Variants in AGT observed in about 807,000 individuals in gnomAD.
AGT encodes angiotensinogen, also known as alpha-1 antiproteinase, antitrypsin.
Under a neutral mutation model 28.1 loss-of-function variants are expected in AGT, and 26 were observed. The ratio of observed to expected loss-of-function variants is 0.92; its 90% confidence interval spans 0.68 to 1.28. AGT has a LOEUF of 1.28. Among genes scored for constraint, AGT ranks in the 50% most tolerant of loss-of-function variants. The pLI, the probability that AGT is intolerant of heterozygous loss-of-function variation, is 0.00. For synonymous variants in AGT, 259 were observed against 259.6 expected (o/e 1.00, Z 0.02); for missense variants, 596 against 592.3 (o/e 1.01, Z -0.06).
intron 2 of AGT, among the ~76,000 whole-genome samples, chr1:230,708,711 C>T (rs1375243257): frequency 2.0e-5 from 3 of 152,174 alleles, no homozygotes; most frequent in Admixed American, 6.5e-5. Context: ...AGCCCCACCC[C>T]ACCCATGGAT....
At chr1:230,735,053 T>G (rs566086145) in intron 1 of AGT, among the ~76,000 whole-genome samples, 130 of 152,194 alleles carry the variant, frequency 8.5e-4, no homozygotes, top group Non-Finnish European at 1.7e-3. Flanking sequence ...AGGGTCTGTG[T>G]CTATCCCTGG....
intron 1 of AGT, among the ~76,000 whole-genome samples, chr1:230,711,253 C>T (rs939132957): frequency 1.3e-5 from 2 of 151,928 alleles, no homozygotes; most frequent in Non-Finnish European, 2.9e-5. Context: ...GACATGGACA[C>T]ACACAGAGGG....
intron 1 of AGT, among the ~76,000 whole-genome samples, chr1:230,722,829 A>T (rs996797894): frequency 8.5e-5 from 13 of 152,092 alleles, no homozygotes; most frequent in Admixed American, 8.5e-4. Flanking sequence ...CTCAGATGAG[A>T]CTTTGGACTT....
chr1:230,732,178 G>T (rs1571986767), intron 1 of AGT, among the ~76,000 whole-genome samples: 1 of 152,084 alleles, frequency 6.6e-6, no homozygotes. Context: ...TTATTTGTTT[G>T]TTTGTAGAGA....
At position 230,710,261 on chromosome 1, in the gene AGT, G is replaced by C; in HGVS notation, c.563C>G (p.Ala188Gly). ...VQGLLVAQGR[A>G]DSQAQLLLST... is the part of the protein sequence containing the mutation. The stretch of plus-strand genomic sequence containing the variant: ...CAGCAGCAGCTGGGCCTGGCTATCA[G>C]CCCTGCCCTGGGCCACTAGCAGGCC... Residue 188 changes from alanine to glycine, a missense_variant, in exon 2 of 5, where the codon GCT (alanine) becomes GGT (glycine). Coordinates refer to ENST00000366667, the MANE Select transcript of AGT (RefSeq NM_001384479.1). 1 of 1,613,758 alleles carries C rather than the reference G, an allele frequency of 6.2e-7. No individual in the cohort carries two copies. The highest frequency in any genetic ancestry group is 8.5e-7 in the Non-Finnish European group (1 of 1,180,008).
chr1:230,745,239 G>T (rs1445019721), intron 1 of AGT, among the ~76,000 whole-genome samples: 2 of 152,174 alleles, frequency 1.3e-5, no homozygotes, highest in Non-Finnish European at 2.9e-5. Context: ...GTGGCAGGGG[G>T]TGCAGAGAGG....
At position 230,704,205 on chromosome 1, in the gene AGT, G is replaced by C. The variant is rs1411939893; in HGVS notation, c.1230C>G (p.Ile410Met). 6.2e-7 allele frequency: 1 copy of C among 1,614,204 alleles called. No homozygotes were observed. The highest frequency in any genetic ancestry group is 1.7e-5 in the Admixed American group (1 of 60,022). Reference protein sequence around the residue: ...LNLQKLSNDRIRVGEVLNSIF... With the variant: ...LNLQKLSNDRMRVGEVLNSIF... ...GGCTCACACATACCTCCCCCACCCT[G>C]ATGCGGTCATTGCTCAATTTTTGCA... Residue 410 changes from isoleucine to methionine, a missense_variant, in exon 4 of 5, where the codon ATC (isoleucine) becomes ATG (methionine). Ile to Met is a conservative substitution (Grantham distance 10). Coordinates refer to ENST00000366667, the MANE Select transcript of AGT (RefSeq NM_001384479.1).
At chr1:230,717,308 G>T (rs946597321), upstream of AGT, among the ~76,000 whole-genome samples, 1 of 152,006 alleles carries the variant, frequency 6.6e-6, no homozygotes, top group African/African-American at 2.4e-5. Context: ...TGTGGTTTCT[G>T]AGATGAGACT....
At chr1:230,744,133 C>G (rs1263336018) in intron 1 of AGT, among the ~76,000 whole-genome samples, 1 of 152,160 alleles carries the variant, frequency 6.6e-6, no homozygotes, top group Non-Finnish European at 1.5e-5. Context: ...AGCTCAGAGC[C>G]CTTTCCCTCT....
In AGT at chr1:230,706,214, A is replaced by C; in HGVS notation, c.830-14T>G. 6.2e-7 allele frequency: 1 copy of C among 1,612,398 alleles called. No individual in the cohort carries two copies. Among genetic ancestry groups the C allele is most frequent in the Non-Finnish European group, 8.5e-7 (1 of 1,179,090 alleles). ...CCTTCATCTTCCCTGAAATCCAGACAGGAGACAGGGAGGGAAGAGTCACCC... is the reference window on the plus strand; with the variant it reads ...CCTTCATCTTCCCTGAAATCCAGACCGGAGACAGGGAGGGAAGAGTCACCC... On this transcript the variant is annotated splice_polypyrimidine_tract_variant and intron_variant, in intron 2 of 4. Coordinates refer to ENST00000366667, the MANE Select transcript of AGT (RefSeq NM_001384479.1).
chr1:230,739,484 A>T (rs1317557858), intron 1 of AGT, among the ~76,000 whole-genome samples: 1 of 152,184 alleles, frequency 6.6e-6, no homozygotes, highest in Non-Finnish European at 1.5e-5. Context: ...CTGAGAGCCC[A>T]AAGCTGGGGA....
At chr1:230,725,066 A>T (rs1276496906) in intron 1 of AGT, among the ~76,000 whole-genome samples, 1 of 152,228 alleles carries the variant, frequency 6.6e-6, no homozygotes, top group African/African-American at 2.4e-5. Flanking sequence ...TCCTGATGAA[A>T]ATTACTTTTC....
intron 1 of AGT, among the ~76,000 whole-genome samples, chr1:230,726,983 C>T (rs1340523719): frequency 6.6e-6 from 1 of 152,210 alleles, no homozygotes; most frequent in African/African-American, 2.4e-5. Context: ...GTTCTCCCTT[C>T]TCCTTTTCTC....
At chr1:230,728,480 A>C (rs944821724) in intron 1 of AGT, among the ~76,000 whole-genome samples, 1 of 152,224 alleles carries the variant, frequency 6.6e-6, no homozygotes, top group Non-Finnish European at 1.5e-5. Context: ...TAGAGGTTAA[A>C]AGGCAAGAAG....
In AGT at chr1:230,710,705, C is replaced by T. The variant is rs377047370; in HGVS notation, c.119G>A (p.Ser40Asn). 2.0e-5 allele frequency: 32 copies of T among 1,614,076 alleles called. No individual in the cohort carries two copies. Among genetic ancestry groups the T allele is most frequent in the Non-Finnish European group, 2.4e-5 (28 of 1,180,020 alleles). The change falls in exon 2 of 5, where the codon AGT becomes AAT. Residue 40 changes from serine to asparagine, a missense_variant. Physicochemically the swap from Ser to Asn is conservative, Grantham distance 46 (BLOSUM62 1). Transcript: ENST00000366667. ...HPFHLVIHNESTCEQLAKANA... is the reference protein window; with the variant it reads ...HPFHLVIHNENTCEQLAKANA... ...GGCCTTTGCCAGCTGCTCACAGGTA[C>T]TCTCATTGTGGATGACGAGGTGGAA...
chr1:230,712,626 G>C (rs1181687530), intron 1 of AGT, among the ~76,000 whole-genome samples: 1 of 152,226 alleles, frequency 6.6e-6, no homozygotes, highest in Non-Finnish European at 1.5e-5. Context: ...AGCGCCAACT[G>C]TTCGGGGTTT....
chr1:230,745,581 T>C (rs766721952), upstream of AGT, among the ~76,000 whole-genome samples: 6 of 152,180 alleles, frequency 3.9e-5, no homozygotes, highest in Non-Finnish European at 7.3e-5. Context: ...GGGTCTACTT[T>C]CTGGTTCCTG....
intron 1 of AGT, among the ~76,000 whole-genome samples, chr1:230,739,443 G>A (rs1664206925): frequency 6.6e-6 from 1 of 152,100 alleles, no homozygotes; most frequent in African/African-American, 2.4e-5. Flanking sequence ...CCCTGAGCAG[G>A]GCATGAGATG....
intron 1 of AGT, among the ~76,000 whole-genome samples, chr1:230,722,279 T>C (rs576985150): frequency 1.4e-4 from 22 of 152,322 alleles, no homozygotes; most frequent in Middle Eastern, 3.4e-3. Context: ...TTTCAGAGTA[T>C]GTATGGAAAT....
Sources: gnomAD v4.1 joint callset for allele counts (sites outside exome capture counted in the v4.1 genomes callset) on GRCh38, gnomAD v4.1.1 for gene constraint, MANE v1.5 for transcripts, NCBI Gene and HGNC (gene_info 2026-07-23, HGNC 2026-07-21) for gene names.